The following NSRP1 variants were observed in gnomAD, a reference collection of about 807,000 sequenced individuals.
NSRP1 encodes coiled-coil domain containing 55.
A neutral mutation model predicts 54.7 loss-of-function variants in NSRP1; 24 were observed. The ratio of observed to expected loss-of-function variants is 0.44; its 90% confidence interval spans 0.32 to 0.62. NSRP1 has a LOEUF of 0.62. Ranked by LOEUF, NSRP1 falls within the 20% of genes least tolerant of loss-of-function variation. NSRP1 has a pLI of 0.06. For synonymous variants in NSRP1, 210 were observed against 213.8 expected, an observed-to-expected ratio of 0.98 and a Z score of 0.15; for missense variants, 596 against 651.2, an observed-to-expected ratio of 0.92 and a Z score of 0.92.
rs1424390556 is a variant in NSRP1, at chr17:30,185,187, A to C, written c.1190A>C (p.Gln397Pro). Residue 397 changes from glutamine to proline, a missense_variant, in exon 7 of 7, where the codon CAA (glutamine) becomes CCA (proline). Transcript: ENST00000247026. ...YSQREQERDRQQNDQNRPSEK... is the reference protein window; with the variant it reads ...YSQREQERDRPQNDQNRPSEK... ...CAAAGAGAACAAGAAAGAGATAGAC[A>C]ACAAAATGATCAGAACCGACCCAGT... is the stretch of plus-strand genomic sequence containing the variant. 1 of 1,573,586 alleles carries C rather than the reference A, an allele frequency of 6.4e-7. No individual in the cohort carries two copies.
chr17:30,122,271 A>G (rs1405399886), intron 2 of NSRP1, among the ~76,000 whole-genome samples: 1 of 138,312 alleles, frequency 7.2e-6, no homozygotes, highest in East Asian at 2.3e-4. Context: ...TTTTGTGTGG[A>G]TATGTTTTCA....
chr17:30,156,493 A>G lies in NSRP1; in HGVS notation c.115-16049A>G, dbSNP rs117457442. ...AAGATAATGACCTTCAGTTTCATTC[A>G]TGTTGCTGTAAGTGACATGATTCCA... On this transcript the variant is annotated intron_variant, in intron 2 of 6. Coordinates refer to ENST00000247026, the MANE Select transcript of NSRP1 (RefSeq NM_032141.4). 9 of 150,656 alleles carry G rather than the reference A, an allele frequency of 6.0e-5. No homozygotes were observed. The East Asian group carries it at 1.6e-3, about 26-fold the overall frequency. The allele number at this position is 150,656 out of a possible 1,614,324, so 9.3% of individuals were successfully genotyped here.
At chr17:30,180,728 C>T (rs890095741) in intron 5 of NSRP1, among the ~76,000 whole-genome samples, 180 bp from the exon 6 acceptor site, 1 of 152,122 alleles carries the variant, frequency 6.6e-6, no homozygotes, top group African/African-American at 2.4e-5. Flanking sequence ...ATGAACAGGG[C>T]TTTGTTTCAA....
intron 2 of NSRP1, among the ~76,000 whole-genome samples, chr17:30,149,316 T>C (rs985307967): frequency 3.3e-5 from 5 of 152,110 alleles, no homozygotes; most frequent in African/African-American, 1.2e-4. Context: ...TCCCAGAGTG[T>C]TGGGATTACA....
chr17:30,182,161 G>A (rs897293423), intron 6 of NSRP1, among the ~76,000 whole-genome samples: 1 of 150,348 alleles, frequency 6.7e-6, no homozygotes, highest in Non-Finnish European at 1.5e-5. Flanking sequence ...TAAGGAGAAA[G>A]TTGGAAAGAA....
intron 2 of NSRP1, among the ~76,000 whole-genome samples, chr17:30,128,859 A>G (rs1225328714): frequency 1.3e-5 from 2 of 152,022 alleles, no homozygotes; most frequent in Non-Finnish European, 2.9e-5. Flanking sequence ...AAAAAAGACA[A>G]TAAAGCATTT....
intron 2 of NSRP1, among the ~76,000 whole-genome samples, chr17:30,127,271 C>T (rs2071658429): frequency 6.6e-6 from 1 of 152,120 alleles, no homozygotes; most frequent in African/African-American, 2.4e-5. Context: ...TGATAAATGC[C>T]TGCCCATTTT....
intron 1 of NSRP1, chr17:30,117,241 G>A (rs1024514750): frequency 8.1e-6 from 5 of 613,876 alleles, no homozygotes; most frequent in Non-Finnish European, 8.9e-6. Context: ...CTTCCTTAGA[G>A]GGCCTTGTTC....
intron 2 of NSRP1, among the ~76,000 whole-genome samples, chr17:30,152,273 C>T (rs1048788171): frequency 2.0e-5 from 3 of 152,080 alleles, no homozygotes; most frequent in African/African-American, 4.8e-5. Context: ...CAGGCATGCA[C>T]CACTGTGCCC....
intron 2 of NSRP1, among the ~76,000 whole-genome samples, chr17:30,147,280 C>T (rs1261919236): frequency 6.6e-6 from 1 of 151,948 alleles, no homozygotes; most frequent in East Asian, 1.9e-4. Context: ...AGGCCTCCGC[C>T]ACCATGCCCC....
chr17:30,174,355 C>A (rs1235926581), intron 3 of NSRP1, among the ~76,000 whole-genome samples: 1 of 152,114 alleles, frequency 6.6e-6, no homozygotes, highest in Non-Finnish European at 1.5e-5. Flanking sequence ...TCCCTTTGTT[C>A]CCCACTTGAT....
intron 6 of NSRP1, among the ~76,000 whole-genome samples, chr17:30,181,610 G>GTT (rs1028312563): frequency 4.5e-5 from 5 of 111,570 alleles, no homozygotes; most frequent in African/African-American, 9.7e-5. Context: ...TTTTTTTTTT[G>GTT]TTTTTTTTTT....
At chr17:30,172,942 A>G (rs1457550797) in intron 3 of NSRP1, among the ~76,000 whole-genome samples, 2 of 151,968 alleles carry the variant, frequency 1.3e-5, no homozygotes, top group African/African-American at 4.8e-5. Context: ...GATAGATACA[A>G]ATATATAGAT....
rs369469848 is a variant in NSRP1 at position 30,184,496 on chromosome 17, TA to T, written c.618-118del. ...TTTGCATTTGGATAATCAGACAGTA[TA>T]TATCACTATAGGTGTATTGATTTGA... On this transcript the variant is annotated intron_variant, in intron 6 of 6. Transcript: ENST00000247026. 1,089 of 1,292,220 alleles carry T rather than the reference TA, an allele frequency of 8.4e-4. 8 individuals carry two copies. The African/African-American group carries it at 0.015, about 18-fold the overall frequency. 80.0% of individuals were successfully genotyped at this position (1,292,220 alleles called of 1,614,324 possible). A position where few individuals can be genotyped will look rare whatever the true frequency, so the allele number is the denominator to read the frequency against.
At chr17:30,124,810 C>T (rs562972212) in intron 2 of NSRP1, among the ~76,000 whole-genome samples, 85 of 152,154 alleles carry the variant, frequency 5.6e-4, no homozygotes, top group Non-Finnish European at 1.1e-3. Flanking sequence ...TAAAACCATT[C>T]CTTAGAATAA....
In NSRP1 at chr17:30,150,836, C is replaced by T. The variant is rs143699557; in HGVS notation, c.115-21706C>T. Among the ~76,000 whole-genome samples, 1,204 of 151,634 alleles carry T rather than the reference C, an allele frequency of 7.9e-3. 9 individuals carry two copies. The highest frequency in any genetic ancestry group is 0.017 in the Admixed American group (264 of 15,202). ...TGGAGTAGCTGGGATTATAGGTGCCCGCCACCATGCCCGGCTAATTTTTGT... is the reference window on the plus strand; with the variant it reads ...TGGAGTAGCTGGGATTATAGGTGCCTGCCACCATGCCCGGCTAATTTTTGT... On this transcript the variant is annotated intron_variant, in intron 2 of 6. Transcript: ENST00000247026.
At chr17:30,173,310 C>T (rs1244575339) in intron 3 of NSRP1, among the ~76,000 whole-genome samples, 1 of 152,148 alleles carries the variant, frequency 6.6e-6, no homozygotes, top group African/African-American at 2.4e-5. Context: ...TTTTTACATA[C>T]ATTTATCTTT....
chr17:30,132,040 A>G (rs1003543292), intron 2 of NSRP1, among the ~76,000 whole-genome samples: 7 of 151,996 alleles, frequency 4.6e-5, no homozygotes, highest in South Asian at 2.1e-4. Context: ...CAAGGTCAGG[A>G]GATCAAGACC....
At chr17:30,133,933 G>C (rs1226243535) in intron 2 of NSRP1, among the ~76,000 whole-genome samples, 1 of 152,068 alleles carries the variant, frequency 6.6e-6, no homozygotes, top group Non-Finnish European at 1.5e-5. Context: ...GAACTTGACT[G>C]TTTGACTGCA....
Sources: gnomAD v4.1 joint callset for allele counts (sites outside exome capture counted in the v4.1 genomes callset) on GRCh38, gnomAD v4.1.1 for gene constraint, MANE v1.5 for transcripts, NCBI Gene and HGNC (gene_info 2026-07-23, HGNC 2026-07-21) for gene names.